The following SSX2IP variants were observed in gnomAD, a reference collection of about 807,000 sequenced individuals.
SSX2IP encodes afadin- and alpha-actinin-binding protein.
Under a neutral mutation model 84.9 loss-of-function variants are expected in SSX2IP, and 55 were observed. The ratio of observed to expected loss-of-function variants is 0.65; its 90% CI spans 0.52 to 0.81. SSX2IP has a LOEUF of 0.81. Among genes scored for constraint, SSX2IP ranks in the 30% least tolerant of loss-of-function variants. The pLI, the probability that SSX2IP is intolerant of heterozygous loss-of-function variation, is 0.00. For missense variants in SSX2IP, 664 were observed against 705.2 expected, an observed-to-expected ratio of 0.94 and a Z score of 0.66; for synonymous variants, 239 against 234.7, an observed-to-expected ratio of 1.02 and a Z score of -0.17.
At chr1:84,682,931 C>CT (rs1655282874) in intron 1 of SSX2IP, among the ~76,000 whole-genome samples, 1 of 152,176 alleles carries the variant, frequency 6.6e-6, no homozygotes, top group Non-Finnish European at 1.5e-5. Flanking sequence ...TGGAACAATT[C>CT]TAAGCATTTT....
intron 11 of SSX2IP, among the ~76,000 whole-genome samples, chr1:84,655,137 CAAT>C (rs1650888237): frequency 6.6e-6 from 1 of 152,004 alleles, no homozygotes; most frequent in Non-Finnish European, 1.5e-5. Flanking sequence ...AGCAGGGAAT[CAAT>C]GAACTGATAA....
At chr1:84,659,159 G>A (rs1651555354) in intron 8 of SSX2IP, among the ~76,000 whole-genome samples, 1 of 152,174 alleles carries the variant, frequency 6.6e-6, no homozygotes, top group African/African-American at 2.4e-5. Flanking sequence ...CAGGAAGGCA[G>A]AGAGATATAC....
intron 4 of SSX2IP, among the ~76,000 whole-genome samples, chr1:84,669,123 T>C (rs1175749978): frequency 1.3e-5 from 2 of 151,632 alleles, no homozygotes; most frequent in Non-Finnish European, 2.9e-5. Flanking sequence ...CATCAAATAT[T>C]CTACATTTTA....
At chr1:84,669,648 T>G in intron 4 of SSX2IP, 33 bp downstream of exon 4, 1 of 1,506,878 alleles carries the variant, frequency 6.6e-7, no homozygotes, top group Non-Finnish European at 9.2e-7. Context: ...ATTATATAAT[T>G]ATGGCATTAA....
chr1:84,662,531 C>G lies in SSX2IP; in HGVS notation c.674-1G>C. 1 of 1,613,668 alleles carries G rather than the reference C, an allele frequency of 6.2e-7. No homozygotes were observed. The highest frequency in any genetic ancestry group is 1.1e-5 in the South Asian group (1 of 91,028). ...CCGACATAATTCAAAATGTCCATAGCTACAAACATGAACACATAAAATTAA... is the reference window on the plus strand; with the variant it reads ...CCGACATAATTCAAAATGTCCATAGGTACAAACATGAACACATAAAATTAA... On this transcript the variant is annotated splice_acceptor_variant, in intron 6 of 13. Transcript: ENST00000342203. LOFTEE classifies it high-confidence loss of function.
In SSX2IP at chr1:84,656,022, CAT is replaced by C; in HGVS notation, c.1216-19_1216-18del. On this transcript the variant is annotated intron_variant, in intron 10 of 13. Coordinates refer to ENST00000342203, the MANE Select transcript of SSX2IP (RefSeq NM_001166293.2). ...GAGCTGCTGCTATTAAAATTTAAAA[CAT>C]AGTAAGTTCCTGAGGGACCTTGCGA... 5 of 1,603,506 alleles carry C rather than the reference CAT, an allele frequency of 3.1e-6. No homozygotes were observed. The African/African-American group carries it at 5.4e-5, about 17-fold the overall frequency.
chr1:84,658,502 G>GT, intron 8 of SSX2IP, 34 bp from the exon 9 acceptor site: 1 of 1,594,140 alleles, frequency 6.3e-7, no homozygotes, highest in Non-Finnish European at 8.6e-7. Context: ...GGAAAGGCTA[G>GT]TACCTTACAA....
chr1:84,658,701 T>C (rs543825103), intron 8 of SSX2IP, among the ~76,000 whole-genome samples: 1 of 152,190 alleles, frequency 6.6e-6, no homozygotes, highest in South Asian at 2.1e-4. Flanking sequence ...ATGACAAGAG[T>C]CATGAAGCTG....
Position 84,650,485 on chromosome 1 carries a change from T to C in SSX2IP, c.1547A>G (p.Gln516Arg), listed in dbSNP as rs967380791. Residue 516 changes from glutamine to arginine, a missense_variant, in exon 13 of 14, where the codon CAA (glutamine) becomes CGA (arginine). Transcript: ENST00000342203. The part of the protein sequence containing the change: ...DNLIVHSRQP[Q>R]KKPHSVSNGS... ...ATTAGACACACTGTGAGGCTTCTTT[T>C]GCGGCTGCCTCGAGTGCACTATAAG... 7 of 1,614,054 alleles carry C rather than the reference T, an allele frequency of 4.3e-6. No individual in the cohort carries two copies. Among genetic ancestry groups the C allele is most frequent in the Non-Finnish European group, 5.1e-6 (6 of 1,180,032 alleles).
intron 1 of SSX2IP, among the ~76,000 whole-genome samples, chr1:84,677,550 G>A (rs1266455500): frequency 6.6e-6 from 1 of 152,088 alleles, no homozygotes; most frequent in Non-Finnish European, 1.5e-5. Context: ...TGTTCCTTGA[G>A]TATGGGCTAG....
At chr1:84,647,751 G>T in intron 13 of SSX2IP, 144 bp from the exon 14 acceptor site, 2 of 373,310 alleles carry the variant, frequency 5.4e-6, no homozygotes, top group Non-Finnish European at 4.0e-6. Context: ...AATTTTACTT[G>T]GAAAAAAAAA....
intron 1 of SSX2IP, among the ~76,000 whole-genome samples, chr1:84,672,012 CG>C (rs1653647554): frequency 6.6e-6 from 1 of 152,070 alleles, no homozygotes; most frequent in Non-Finnish European, 1.5e-5. Context: ...AGCATTTAAA[CG>C]TAACTGTGTG....
intron 1 of SSX2IP, among the ~76,000 whole-genome samples, chr1:84,682,429 T>C (rs1277371150): frequency 6.6e-6 from 1 of 152,194 alleles, no homozygotes; most frequent in Non-Finnish European, 1.5e-5. Flanking sequence ...CTATTATCTT[T>C]TGATTTTTAC....
chr1:84,670,603 T>C (rs372849918), intron 3 of SSX2IP, 43 bp downstream of exon 3: 101 of 1,381,658 alleles, frequency 7.3e-5, no homozygotes, highest in Non-Finnish European at 8.9e-5. Flanking sequence ...CATTCTATTA[T>C]ATAACATGAT....
intron 1 of SSX2IP, among the ~76,000 whole-genome samples, chr1:84,674,183 T>A (rs1653969818): frequency 6.6e-6 from 1 of 152,178 alleles, no homozygotes; most frequent in Non-Finnish European, 1.5e-5. Flanking sequence ...GCATACCTCC[T>A]AAGTTTCCCA....
In SSX2IP at chr1:84,670,654, G is replaced by T; in HGVS notation, c.205C>A (p.Leu69Ile). ...EDNIEQSISYLDQELTTFGFP... is the reference protein window; with the variant it reads ...EDNIEQSISYIDQELTTFGFP... ...TTACAAAAACATGTTACCTGATCAA[G>T]ATATGAGATACTCTGTTCAATATTA... The change falls in exon 3 of 14, where the codon CTT (leucine) becomes ATT (isoleucine). Residue 69 changes from leucine (L) to isoleucine (I), a missense_variant. Leu to Ile is a conservative substitution (Grantham distance 5). Transcript: ENST00000342203. The T allele has an allele frequency of 6.3e-7, 1 of 1,599,686 alleles. No homozygotes were observed. Among genetic ancestry groups the T allele is most frequent in the Admixed American group, 1.7e-5 (1 of 58,620 alleles).
chr1:84,676,001 C>T (rs184405089), intron 1 of SSX2IP, among the ~76,000 whole-genome samples: 121 of 152,302 alleles, frequency 7.9e-4, no homozygotes, highest in African/African-American at 2.8e-3. Context: ...CCCCAACCAC[C>T]TTGGACACAT....
intron 8 of SSX2IP, 128 bp from the exon 9 acceptor site, chr1:84,658,596 G>T: frequency 9.6e-7 from 1 of 1,038,850 alleles, no homozygotes; most frequent in Non-Finnish European, 1.3e-6. Flanking sequence ...TGTGTCTTAT[G>T]CATATATGGC....
intron 13 of SSX2IP, 198 bp downstream of exon 13, chr1:84,650,164 C>G (rs1008922047): frequency 1.6e-6 from 1 of 626,170 alleles, no homozygotes; most frequent in Non-Finnish European, 2.8e-6. Context: ...TCTACCTGTT[C>G]ACTAGTGTAT....
Sources: allele counts gnomAD v4.1 joint callset (sites outside exome capture counted in the v4.1 genomes callset), GRCh38; gene constraint gnomAD v4.1.1; transcripts MANE v1.5; gene names NCBI Gene and HGNC (gene_info 2026-07-23, HGNC 2026-07-21).